The following CHST11 variants were observed in gnomAD, a reference collection of about 807,000 sequenced individuals.
CHST11 encodes carbohydrate sulfotransferase 11, also known as C4S-1.
Under a neutral mutation model 30.4 loss-of-function variants are expected in CHST11, and 9 were observed. The ratio of observed to expected loss-of-function variants is 0.30; its 90% CI spans 0.18 to 0.52. The LOEUF is 0.52. Among genes scored for constraint, CHST11 ranks in the 20% least tolerant of loss-of-function variants. The probability of loss-of-function intolerance (pLI) is 0.97; values close to 1 mark genes in which losing one functional copy is unlikely to be tolerated. For missense variants in CHST11, 348 were observed against 460.6 expected (o/e 0.76, Z 2.24); for synonymous variants, 152 against 187.8 (o/e 0.81, Z 1.56).
chr12:104,646,233 T>C (rs1452894831), intron 2 of CHST11, among the ~76,000 whole-genome samples: 1 of 151,920 alleles, frequency 6.6e-6, no homozygotes, highest in African/African-American at 2.4e-5. Flanking sequence ...CACCCCACTT[T>C]CTCCTCCTCC....
chr12:104,735,896 G>T (rs184199739), intron 2 of CHST11, among the ~76,000 whole-genome samples: 7 of 152,328 alleles, frequency 4.6e-5, no homozygotes, highest in Admixed American at 2.0e-4. Flanking sequence ...GGGGACCCAG[G>T]CTTGGAGCCC....
intron 2 of CHST11, among the ~76,000 whole-genome samples, chr12:104,687,391 T>C (rs1450985625): frequency 2.6e-5 from 4 of 152,250 alleles, no homozygotes. Context: ...TTCTCATTTA[T>C]TGAGCACTTA....
intron 1 of CHST11, among the ~76,000 whole-genome samples, chr12:104,506,688 T>C (rs1224293654): frequency 6.6e-6 from 1 of 152,138 alleles, no homozygotes; most frequent in African/African-American, 2.4e-5. Context: ...CCGACAGAGA[T>C]GGAAACTTCG....
intron 2 of CHST11, among the ~76,000 whole-genome samples, chr12:104,688,117 G>A (rs578127018): frequency 6.6e-5 from 10 of 152,314 alleles, no homozygotes; most frequent in Admixed American, 3.3e-4. Context: ...CTGTGTGCGC[G>A]TTAAGAACGC....
chr12:104,626,607 A>T (rs1362690349), intron 2 of CHST11, among the ~76,000 whole-genome samples: 4 of 151,916 alleles, frequency 2.6e-5, no homozygotes, highest in Non-Finnish European at 5.9e-5. Context: ...ACATGGTCAA[A>T]ATATACTTGT....
rs567418481 is a variant in CHST11, at chr12:104,715,139, C to T, written c.205-41810C>T. 4.2e-3 allele frequency among the ~76,000 whole-genome samples: 637 copies of T among 152,088 alleles called. 2 individuals carry two copies. The highest frequency in any genetic ancestry group is 0.013 in the African/African-American group (559 of 41,474). On this transcript the variant is annotated intron_variant, in intron 2 of 2. Transcript: ENST00000303694. Reference sequence around the variant, plus strand: ...CAGCACTTTGGGAGGCCAAGGCAGGCGGATCACTTGAGGTCAGGAGTTCGA... The same window carrying T: ...CAGCACTTTGGGAGGCCAAGGCAGGTGGATCACTTGAGGTCAGGAGTTCGA...
At chr12:104,526,610 G>A (rs796674862) in intron 1 of CHST11, among the ~76,000 whole-genome samples, 12 of 152,286 alleles carry the variant, frequency 7.9e-5, no homozygotes, top group African/African-American at 2.6e-4. Flanking sequence ...GGCCAGTGGG[G>A]GCACCAGAGC....
intron 2 of CHST11, among the ~76,000 whole-genome samples, chr12:104,721,584 C>T (rs369534047): frequency 1.1e-4 from 16 of 152,300 alleles, no homozygotes; most frequent in South Asian, 6.2e-4. Flanking sequence ...TGTACCCCTG[C>T]GCCTGATAGA....
chr12:104,620,567 C>G (rs768493552), intron 2 of CHST11, among the ~76,000 whole-genome samples: 5 of 152,132 alleles, frequency 3.3e-5, no homozygotes, highest in Non-Finnish European at 5.9e-5. Flanking sequence ...AATTAATTTG[C>G]CAATCCTTCT....
intron 2 of CHST11, among the ~76,000 whole-genome samples, chr12:104,702,082 C>T (rs904300462): frequency 3.3e-5 from 5 of 152,024 alleles, no homozygotes; most frequent in East Asian, 1.9e-4. Flanking sequence ...AGAAGCAGGC[C>T]GAGAGACTCT....
chr12:104,573,507 CAG>C (rs2038650955), intron 1 of CHST11, among the ~76,000 whole-genome samples: 1 of 152,222 alleles, frequency 6.6e-6, no homozygotes, highest in Non-Finnish European at 1.5e-5. Context: ...GGTACCAAAA[CAG>C]AGATATAGAC....
At chr12:104,597,692 C>T (rs1427332767) in intron 1 of CHST11, among the ~76,000 whole-genome samples, 1 of 152,182 alleles carries the variant, frequency 6.6e-6, no homozygotes, top group Non-Finnish European at 1.5e-5. Context: ...CCCTGCACAT[C>T]GTAGGTGCTT....
intron 1 of CHST11, among the ~76,000 whole-genome samples, chr12:104,488,636 T>TGC (rs1372305674): frequency 7.5e-6 from 1 of 133,036 alleles, no homozygotes; most frequent in Non-Finnish European, 1.7e-5. Flanking sequence ...TATGTGTGTG[T>TGC]GCGTGTGTAT....
At chr12:104,711,521 C>T (rs2040087840) in intron 2 of CHST11, among the ~76,000 whole-genome samples, 1 of 151,848 alleles carries the variant, frequency 6.6e-6, no homozygotes, top group South Asian at 2.1e-4. Context: ...TTGGGAACGA[C>T]CCAAGGACAA....
At chr12:104,669,778 G>A (rs948849357) in intron 2 of CHST11, among the ~76,000 whole-genome samples, 7 of 152,168 alleles carry the variant, frequency 4.6e-5, no homozygotes, top group Admixed American at 2.0e-4. Context: ...ATGACAGCTC[G>A]TAGCTTACTT....
chr12:104,689,525 C>T (rs549760689), intron 2 of CHST11, among the ~76,000 whole-genome samples: 3 of 152,248 alleles, frequency 2.0e-5, no homozygotes, highest in Non-Finnish European at 2.9e-5. Flanking sequence ...TTGTATCATG[C>T]ACTTACTATA....
At chr12:104,543,365 C>T (rs1251365761) in intron 1 of CHST11, among the ~76,000 whole-genome samples, 1 of 152,180 alleles carries the variant, frequency 6.6e-6, no homozygotes, top group South Asian at 2.1e-4. Flanking sequence ...GGGGACAAAC[C>T]ATCCAAACTG....
intron 2 of CHST11, among the ~76,000 whole-genome samples, chr12:104,754,472 G>A (rs2131806): frequency 0.6 from 90,479 of 152,002 alleles, 27,607 homozygotes; most frequent in Middle Eastern, 0.73. Flanking sequence ...CCTCCAGGAG[G>A]CTGGACAGGT....
At chr12:104,539,417 G>A (rs1247589891) in intron 1 of CHST11, among the ~76,000 whole-genome samples, 1 of 152,180 alleles carries the variant, frequency 6.6e-6, no homozygotes, top group Non-Finnish European at 1.5e-5. Flanking sequence ...TACAACTGCT[G>A]TATTTCCTGA....
Sources: allele counts gnomAD v4.1 joint callset (sites outside exome capture counted in the v4.1 genomes callset), GRCh38; gene constraint gnomAD v4.1.1; transcripts MANE v1.5; gene names NCBI Gene and HGNC (gene_info 2026-07-23, HGNC 2026-07-21).